GRIA3: variants seen among roughly 807,000 people sequenced by gnomAD.
GRIA3 encodes glutamate ionotropic receptor AMPA type subunit 3.
Under a neutral mutation model 63.0 loss-of-function variants are expected in GRIA3, and 3 were observed. That is an observed-to-expected ratio of 0.05 (90% CI 0.02 to 0.12). The LOEUF is 0.12. Ranked by LOEUF, GRIA3 falls within the 10% of genes least tolerant of loss-of-function variation. The pLI, the probability that GRIA3 is intolerant of heterozygous loss-of-function variation, is 1.00. For synonymous variants in GRIA3, 274 were observed against 257.9 expected, an observed-to-expected ratio of 1.06 and a Z score of -0.60; for missense variants, 347 against 700.9, an observed-to-expected ratio of 0.50 and a Z score of 5.70.
intron 5 of GRIA3, among the ~76,000 whole-genome samples, chrX:123,364,569 A>G (rs2045198465): frequency 8.9e-6 from 1 of 112,555 alleles, no homozygotes; most frequent in African/African-American, 3.2e-5. Flanking sequence ...GAGGTTCCTC[A>G]AAAAACTGAA....
chrX:123,466,551 T>G (rs963248369), intron 13 of GRIA3, among the ~76,000 whole-genome samples: 1 of 111,937 alleles, frequency 8.9e-6, no homozygotes, highest in Non-Finnish European at 1.9e-5. Flanking sequence ...CCATCTTACT[T>G]GGCATTCCTT....
chrX:123,201,318 G>A (rs184789855), intron 2 of GRIA3, among the ~76,000 whole-genome samples: 217 of 111,778 alleles, frequency 1.9e-3, no homozygotes, highest in African/African-American at 6.8e-3. Context: ...TTAAATGAGA[G>A]AATAAATGTG....
chrX:123,300,806 G>T (rs1240626201), intron 3 of GRIA3, among the ~76,000 whole-genome samples: 1 of 110,114 alleles, frequency 9.1e-6, no homozygotes. Context: ...TGGGCATTTA[G>T]TGCTATAAAT....
chrX:123,189,808 A>T (rs1181194143), intron 2 of GRIA3, among the ~76,000 whole-genome samples: 2 of 111,510 alleles, frequency 1.8e-5, no homozygotes, highest in South Asian at 7.7e-4. Flanking sequence ...CCCCAGGTAA[A>T]ATCCCTTTTG....
At chrX:123,404,564 G>A in intron 9 of GRIA3, 144 bp from the exon 10 acceptor site, 1 of 430,055 alleles carries the variant, frequency 2.3e-6, no homozygotes, top group South Asian at 3.9e-5. Flanking sequence ...CTCAATTAAA[G>A]CTCTTCTGTT....
intron 2 of GRIA3, among the ~76,000 whole-genome samples, chrX:123,216,362 A>G (rs1210624233): frequency 8.9e-6 from 1 of 112,062 alleles, no homozygotes; most frequent in Non-Finnish European, 1.9e-5. Flanking sequence ...GGAGGAAGGG[A>G]TGTGAGGTTT....
Position 123,331,792 on chromosome X carries a change from AT to A in GRIA3, c.696+5582del, listed in dbSNP as rs1391462923. Among the ~76,000 whole-genome samples, 15 of 111,719 alleles carry A rather than the reference AT, an allele frequency of 1.3e-4. No homozygotes were observed. In the Admixed American group the frequency reaches 1.4e-3, roughly 11 times the overall value. On this transcript the variant is annotated intron_variant, in intron 4 of 15. Transcript: ENST00000620443. ...CATGATTTCTAATTTTAGCTCCCTG[AT>A]TTCCTTGTTGTGTGACAACAGGGGA...
At chrX:123,219,048 C>T (rs1307734198) in intron 2 of GRIA3, among the ~76,000 whole-genome samples, 2 of 111,968 alleles carry the variant, frequency 1.8e-5, no homozygotes, top group Non-Finnish European at 3.8e-5. Context: ...CTGCTTGACA[C>T]ACCTCCAGTC....
At chrX:123,410,825 C>T (rs183028569) in intron 10 of GRIA3, among the ~76,000 whole-genome samples, 2 of 111,634 alleles carry the variant, frequency 1.8e-5, no homozygotes, top group East Asian at 5.7e-4. Context: ...TCCAGCTAAA[C>T]GTAGTCTCAC....
At chrX:123,395,778 C>T (rs984309232) in intron 6 of GRIA3, among the ~76,000 whole-genome samples, 1 of 111,517 alleles carries the variant, frequency 9.0e-6, no homozygotes, top group East Asian at 2.8e-4. Flanking sequence ...AGGAATTAAA[C>T]AGATAAATTA....
At chrX:123,290,502 G>T (rs1424078664) in intron 3 of GRIA3, among the ~76,000 whole-genome samples, 1 of 109,948 alleles carries the variant, frequency 9.1e-6, no homozygotes, top group African/African-American at 3.3e-5. Flanking sequence ...ATATGGGAGG[G>T]GGCACCCAAC....
chrX:123,467,018 T>C (rs1249068941), intron 13 of GRIA3, among the ~76,000 whole-genome samples: 1 of 112,904 alleles, frequency 8.9e-6, no homozygotes, highest in African/African-American at 3.2e-5. Flanking sequence ...CAAATAATCT[T>C]ACCAGGCATT....
intron 10 of GRIA3, among the ~76,000 whole-genome samples, chrX:123,414,803 T>G (rs1232362555): frequency 2.7e-5 from 3 of 111,162 alleles, no homozygotes; most frequent in African/African-American, 9.9e-5. Context: ...TGCCACATTT[T>G]CTTAATCCAG....
rs747142637 is a variant in GRIA3, at chrX:123,482,962, C to T, written c.2603C>T (p.Pro868Leu). Residue 868 changes from proline (P) to leucine (L), a missense_variant, in exon 15 of 16, where the codon CCT becomes CTT. Transcript: ENST00000620443. ...KLTKNTQNFK[P>L]APATNTQNYA... ...ACAAAGAACACCCAAAACTTTAAGC[C>T]TGCTCCTGCCACCAACACTCAGAAT... 8.3e-7 allele frequency: 1 copy of T among 1,206,397 alleles called. No individual in the cohort carries two copies. The highest frequency in any genetic ancestry group is 1.1e-6 in the Non-Finnish European group (1 of 890,733).
chrX:123,478,686 T>C (rs1387204998), intron 13 of GRIA3, among the ~76,000 whole-genome samples: 1 of 112,472 alleles, frequency 8.9e-6, no homozygotes, highest in Non-Finnish European at 1.9e-5. Context: ...GTCTTATTAG[T>C]GACTGGATAT....
At chrX:123,445,289 T>C (rs1029731009) in intron 12 of GRIA3, among the ~76,000 whole-genome samples, 1 of 111,862 alleles carries the variant, frequency 8.9e-6, no homozygotes, top group Non-Finnish European at 1.9e-5. Flanking sequence ...AACTCTGCCC[T>C]TCCCCTCCCT....
At chrX:123,389,700 G>A (rs1320911624) in intron 5 of GRIA3, among the ~76,000 whole-genome samples, 1 of 29,324 alleles carries the variant, frequency 3.4e-5, no homozygotes, top group Non-Finnish European at 8.7e-5. Context: ...TGTTGTTGTT[G>A]TTGTTGTTGT....
At chrX:123,438,140 T>C (rs1024738557) in intron 12 of GRIA3, among the ~76,000 whole-genome samples, 8 of 112,116 alleles carry the variant, frequency 7.1e-5, no homozygotes, top group Non-Finnish European at 1.5e-4. Context: ...TAACCATTAA[T>C]CAACTTCTCA....
chrX:123,458,223 C>T (rs1185535747), intron 12 of GRIA3, among the ~76,000 whole-genome samples: 1 of 109,217 alleles, frequency 9.2e-6, no homozygotes, highest in Non-Finnish European at 1.9e-5. Context: ...TCATGCTACA[C>T]ACCCGTGGTG....
Sources: gnomAD v4.1 joint callset for allele counts (sites outside exome capture counted in the v4.1 genomes callset) on GRCh38, gnomAD v4.1.1 for gene constraint, MANE v1.5 for transcripts, NCBI Gene and HGNC (gene_info 2026-07-23, HGNC 2026-07-21) for gene names.